DACH1: variants seen among roughly 807,000 people sequenced by gnomAD.
DACH1 encodes the protein dachshund family transcription factor 1, also known as dachshund homolog 1.
DACH1 carries 12 observed loss-of-function variants against 54.2 expected under a neutral mutation model. The observed-to-expected ratio is 0.22, with a 90% confidence interval of 0.14 to 0.36. The LOEUF is 0.36. DACH1 is among the 10% of genes least tolerant of loss of function. The pLI is 1.00. For synonymous variants in DACH1, 386 were observed against 366.2 expected, an observed-to-expected ratio of 1.05 and a Z score of -0.62; for missense variants, 805 against 929.8, an observed-to-expected ratio of 0.87 and a Z score of 1.75.
intron 1 of DACH1, among the ~76,000 whole-genome samples, chr13:71,753,582 C>A (rs1306964255): frequency 6.6e-6 from 1 of 152,142 alleles, no homozygotes; most frequent in Admixed American, 6.5e-5. Context: ...TACAAACATT[C>A]ATAGATTGCC....
chr13:71,809,095 T>G (rs1313097268), intron 1 of DACH1, among the ~76,000 whole-genome samples: 1 of 152,224 alleles, frequency 6.6e-6, no homozygotes, highest in Admixed American at 6.5e-5. Context: ...TTAATAAAGT[T>G]TTGTCATTTT....
chr13:71,611,494 T>C (rs1875324176), intron 3 of DACH1, among the ~76,000 whole-genome samples: 1 of 152,188 alleles, frequency 6.6e-6, no homozygotes, highest in Non-Finnish European at 1.5e-5. Flanking sequence ...TTCTGCTGTT[T>C]ATCTTTTTTG....
At chr13:71,492,121 A>C (rs1311054413) in intron 6 of DACH1, among the ~76,000 whole-genome samples, 1 of 152,138 alleles carries the variant, frequency 6.6e-6, no homozygotes, top group African/African-American at 2.4e-5. Flanking sequence ...TTTTACTTTA[A>C]AATAATTGTA....
intron 3 of DACH1, among the ~76,000 whole-genome samples, chr13:71,608,349 G>A (rs1185929268): frequency 6.6e-6 from 1 of 151,892 alleles, no homozygotes; most frequent in Non-Finnish European, 1.5e-5. Flanking sequence ...TGTCCATCAT[G>A]TACCCATTAC....
intron 1 of DACH1, among the ~76,000 whole-genome samples, chr13:71,843,968 G>A (rs569697512): frequency 4.6e-5 from 7 of 152,266 alleles, no homozygotes; most frequent in African/African-American, 1.4e-4. Flanking sequence ...TCATAAATGC[G>A]AAGAATCAAA....
intron 3 of DACH1, among the ~76,000 whole-genome samples, chr13:71,600,030 C>T (rs890484481): frequency 6.6e-6 from 1 of 152,004 alleles, no homozygotes; most frequent in African/African-American, 2.4e-5. Flanking sequence ...AATCATATGG[C>T]AATATCTGAA....
intron 1 of DACH1, among the ~76,000 whole-genome samples, chr13:71,757,046 T>C (rs542139931): frequency 1.3e-5 from 2 of 152,302 alleles, no homozygotes; most frequent in African/African-American, 4.8e-5. Flanking sequence ...ATGAGAAATA[T>C]GTATTAAAAG....
chr13:71,497,707 A>G (rs989437411), intron 6 of DACH1, among the ~76,000 whole-genome samples: 2 of 152,104 alleles, frequency 1.3e-5, no homozygotes, highest in South Asian at 2.1e-4. Flanking sequence ...TGAAAGAATT[A>G]TTACTGTATA....
chr13:71,823,095 T>A (rs1314566297), intron 1 of DACH1, among the ~76,000 whole-genome samples: 1 of 152,088 alleles, frequency 6.6e-6, no homozygotes, highest in Non-Finnish European at 1.5e-5. Context: ...ATTAACTGTG[T>A]TCATAAATTA....
At position 71,440,457 on chromosome 13, in the gene DACH1, C is replaced by T; in HGVS notation, c.*198G>A. The T allele has an allele frequency of 2.0e-6, 1 of 505,016 alleles. No homozygotes were observed. Among genetic ancestry groups the T allele is most frequent in the Non-Finnish European group, 3.5e-6 (1 of 288,494 alleles). 31.3% of individuals were successfully genotyped at this position (505,016 alleles called of 1,614,324 possible). On this transcript the variant is annotated 3_prime_UTR_variant, in exon 11 of 11. Coordinates refer to ENST00000613252, the MANE Select transcript of DACH1 (RefSeq NM_080759.6). The stretch of plus-strand genomic sequence containing the variant: ...TACATTTACAAACATTCTCAGGTCT[C>T]TGGTATGAACCACAGGTGAAAATCA...
chr13:71,800,538 C>T (rs996770014), intron 1 of DACH1, among the ~76,000 whole-genome samples: 2 of 152,006 alleles, frequency 1.3e-5, no homozygotes, highest in African/African-American at 4.8e-5. Flanking sequence ...CTTTCTCTCC[C>T]GACTGCCTAT....
intron 1 of DACH1, among the ~76,000 whole-genome samples, chr13:71,855,138 T>C (rs2138274646): frequency 6.6e-6 from 1 of 152,192 alleles, no homozygotes; most frequent in South Asian, 2.1e-4. Context: ...TAGAGACTTT[T>C]ATGTTTGGTT....
chr13:71,472,143 T>A (rs1877136175), intron 10 of DACH1, among the ~76,000 whole-genome samples: 1 of 152,218 alleles, frequency 6.6e-6, no homozygotes, highest in South Asian at 2.1e-4. Context: ...TTTTTTAAAA[T>A]TTTTGAATGT....
intron 6 of DACH1, among the ~76,000 whole-genome samples, chr13:71,492,137 A>T (rs1260085002): frequency 6.6e-6 from 1 of 152,158 alleles, no homozygotes; most frequent in Admixed American, 6.6e-5. Context: ...TTGTATACTT[A>T]CAGAAAAGTT....
chr13:71,493,732 T>TAATA (rs1405926349), intron 6 of DACH1, among the ~76,000 whole-genome samples: 1 of 152,152 alleles, frequency 6.6e-6, no homozygotes, highest in African/African-American at 2.4e-5. Flanking sequence ...CCACATTTTC[T>TAATA]AATACTTTTT....
chr13:71,512,212 T>A (rs1880828780), intron 6 of DACH1, among the ~76,000 whole-genome samples: 1 of 151,954 alleles, frequency 6.6e-6, no homozygotes, highest in East Asian at 1.9e-4. Context: ...CTTCATTTGT[T>A]ATCTATTTCC....
rs528715407 is a variant in DACH1, at chr13:71,565,832, A to G, written c.1300-5877T>C. Among the ~76,000 whole-genome samples the G allele has an allele frequency of 6.6e-4, 101 of 152,266 alleles. 2 individuals are homozygous for G. In the South Asian group the frequency reaches 0.021, roughly 31 times the overall value. ...TTACTCATTGGTGGTAGGGGACTAT[A>G]TTTTTCCCAAGTGTGTATGAAAATT... On this transcript the variant is annotated intron_variant, in intron 4 of 10. Coordinates refer to ENST00000613252, the MANE Select transcript of DACH1 (RefSeq NM_080759.6).
chr13:71,502,829 C>T (rs1267928464), intron 6 of DACH1, among the ~76,000 whole-genome samples: 2 of 152,194 alleles, frequency 1.3e-5, no homozygotes, highest in East Asian at 3.9e-4. Flanking sequence ...CTGACTGCGT[C>T]AATGTGTTCC....
At position 71,507,813 on chromosome 13, in the gene DACH1, C is replaced by T. The variant is rs569048868; in HGVS notation, c.1571-18665G>A. Reference sequence around the variant, plus strand: ...AATGTATATAATTTATTATCTCAACCTATTATCAAATTTCTAAACTGAACC... The same window carrying T: ...AATGTATATAATTTATTATCTCAACTTATTATCAAATTTCTAAACTGAACC... On this transcript the variant is annotated intron_variant, in intron 6 of 10. Coordinates refer to ENST00000613252, the MANE Select transcript of DACH1 (RefSeq NM_080759.6). Among the ~76,000 whole-genome samples, 4 of 152,226 alleles carry T rather than the reference C, an allele frequency of 2.6e-5. No individual in the cohort carries two copies. In the South Asian group the frequency reaches 8.3e-4, roughly 32 times the overall value.
Sources: gnomAD v4.1 joint callset for allele counts (sites outside exome capture counted in the v4.1 genomes callset) on GRCh38, gnomAD v4.1.1 for gene constraint, MANE v1.5 for transcripts, NCBI Gene and HGNC (gene_info 2026-07-23, HGNC 2026-07-21) for gene names.